Variants in FANCL observed in about 807,000 individuals in gnomAD.
The protein encoded by FANCL is E3 ubiquitin-protein ligase FANCL.
In FANCL, 69 loss-of-function variants were observed where a neutral mutation model predicts 59.4. That is an observed-to-expected ratio of 1.16 (90% CI 0.96 to 1.42). FANCL has a LOEUF of 1.42. Ranked by LOEUF, FANCL falls within the 40% of genes most tolerant of loss-of-function variation. The pLI is 0.00. For synonymous variants in FANCL, 180 were observed against 147.1 expected (o/e 1.22, Z -1.62); for missense variants, 519 against 447.2 (o/e 1.16, Z -1.45).
intron 7 of FANCL, among the ~76,000 whole-genome samples, chr2:58,186,021 G>C (rs1372814546): frequency 6.6e-6 from 1 of 152,172 alleles, no homozygotes; most frequent in Non-Finnish European, 1.5e-5. Context: ...CCCACTGTTA[G>C]TTATACAGTA....
Position 58,177,631 on chromosome 2 carries a change from TG to T in FANCL, c.541-11758del, listed in dbSNP as rs1170185868. 7.5e-5 allele frequency among the ~76,000 whole-genome samples: 5 copies of T among 66,288 alleles called. No homozygotes were observed. In the East Asian group the frequency reaches 3.0e-3, roughly 39 times the overall value. The allele number at this position is 66,288 out of a possible 152,430, so 43.5% of individuals were successfully genotyped here. A position where few individuals can be genotyped will look rare whatever the true frequency, so the allele number is the denominator to read the frequency against. On this transcript the variant is annotated intron_variant, in intron 7 of 13. Transcript: ENST00000233741. ...GAACATCACACTCTGGGGACTGTTGTGGGGTGGGGGGAGGGGGGAGGGATAG... is the reference window on the plus strand; with the variant it reads ...GAACATCACACTCTGGGGACTGTTGTGGGTGGGGGGAGGGGGGAGGGATAG...
At chr2:58,193,694 A>G (rs992051370) in intron 7 of FANCL, among the ~76,000 whole-genome samples, 9 of 152,176 alleles carry the variant, frequency 5.9e-5, no homozygotes, top group African/African-American at 1.9e-4. Context: ...CAGCAGAGGA[A>G]AAAATGGAAA....
At chr2:58,162,799 C>A (rs959083891) in intron 11 of FANCL, 67 bp downstream of exon 11, 10 of 1,349,500 alleles carry the variant, frequency 7.4e-6, no homozygotes, top group Non-Finnish European at 8.5e-6. Flanking sequence ...TCATTTTTCA[C>A]TGAGAGAAGC....
intron 7 of FANCL, among the ~76,000 whole-genome samples, chr2:58,178,060 T>C (rs1226938521): frequency 6.6e-6 from 1 of 151,982 alleles, no homozygotes; most frequent in Admixed American, 6.6e-5. Flanking sequence ...AATCCCGAAA[T>C]AGATCGATAA....
intron 7 of FANCL, among the ~76,000 whole-genome samples, chr2:58,189,403 G>A (rs1306136825): frequency 1.3e-5 from 2 of 151,974 alleles, no homozygotes; most frequent in African/African-American, 4.8e-5. Flanking sequence ...ACACAAAATA[G>A]TAACAATCCT....
intron 7 of FANCL, among the ~76,000 whole-genome samples, chr2:58,176,453 C>T (rs925121822): frequency 6.6e-6 from 1 of 152,000 alleles, no homozygotes; most frequent in African/African-American, 2.4e-5. Flanking sequence ...TGGAACAGAA[C>T]AGAGCCCTCA....
rs148197441 is a variant in FANCL at position 58,159,583 on chromosome 2, A to G, written c.*182T>C. The G allele has an allele frequency of 3.7e-6, 6 of 1,613,872 alleles. No individual in the cohort carries two copies. The highest frequency in any genetic ancestry group is 2.7e-5 in the African/African-American group (2 of 75,038). On this transcript the variant is annotated 3_prime_UTR_variant, in exon 14 of 14. Coordinates refer to ENST00000233741, the MANE Select transcript of FANCL (RefSeq NM_018062.4). Reference sequence around the variant, plus strand: ...AGAAAGTTCAACTGGACTTTGGCCTACAATTTCCCAGTTTACTCTTAGTGA... The same window carrying G: ...AGAAAGTTCAACTGGACTTTGGCCTGCAATTTCCCAGTTTACTCTTAGTGA...
chr2:58,216,094 TGTG>T (rs1468776263), intron 5 of FANCL, among the ~76,000 whole-genome samples: 1 of 152,138 alleles, frequency 6.6e-6, no homozygotes, highest in Non-Finnish European at 1.5e-5. Flanking sequence ...TGAGAGGTCT[TGTG>T]GAGACACAAA....
At chr2:58,181,522 G>A (rs1378214812) in intron 7 of FANCL, among the ~76,000 whole-genome samples, 2 of 151,924 alleles carry the variant, frequency 1.3e-5, no homozygotes, top group South Asian at 2.1e-4. Flanking sequence ...ATTTTACAAA[G>A]AACTGAACTC....
intron 5 of FANCL, among the ~76,000 whole-genome samples, chr2:58,205,006 T>C (rs1338692747): frequency 6.6e-6 from 1 of 152,076 alleles, no homozygotes; most frequent in Non-Finnish European, 1.5e-5. Flanking sequence ...AGCAGTATAT[T>C]TACTAGTGAA....
At chr2:58,162,232 T>C (rs918585788) in intron 11 of FANCL, among the ~76,000 whole-genome samples, 1 of 151,942 alleles carries the variant, frequency 6.6e-6, no homozygotes, top group Non-Finnish European at 1.5e-5. Context: ...TCAATTCTAT[T>C]ATTTTTGCAG....
At chr2:58,179,982 C>T (rs1157473909) in intron 7 of FANCL, among the ~76,000 whole-genome samples, 1 of 152,186 alleles carries the variant, frequency 6.6e-6, no homozygotes, top group Admixed American at 6.5e-5. Flanking sequence ...AGCTCATCAT[C>T]ACTGGTCATT....
In FANCL at chr2:58,226,136, T is replaced by C. The variant is rs117502352; in HGVS notation, c.273+592A>G. ...AAAAAAGTAGAAGAGGAAATAAGAT[T>C]GGCAAAATGTTAAAATTTGGTCAGG... On this transcript the variant is annotated intron_variant, in intron 4 of 13. Coordinates refer to ENST00000233741, the MANE Select transcript of FANCL (RefSeq NM_018062.4). 8.5e-5 allele frequency among the ~76,000 whole-genome samples: 13 copies of C among 152,186 alleles called. No individual in the cohort carries two copies. The East Asian group carries it at 2.3e-3, about 27-fold the overall frequency.
intron 1 of FANCL, among the ~76,000 whole-genome samples, chr2:58,236,269 A>G (rs761923433): frequency 6.6e-6 from 1 of 152,038 alleles, no homozygotes; most frequent in Non-Finnish European, 1.5e-5. Flanking sequence ...CTATTTACAG[A>G]GAAACAAAGA....
chr2:58,238,376 C>A (rs1460836925), intron 1 of FANCL, among the ~76,000 whole-genome samples: 1 of 152,172 alleles, frequency 6.6e-6, no homozygotes, highest in Non-Finnish European at 1.5e-5. Flanking sequence ...TCCACAGAAA[C>A]AGTGAGACAA....
At chr2:58,159,976 T>C (rs1035014893) in intron 13 of FANCL, 132 bp downstream of exon 13, 27 of 1,530,814 alleles carry the variant, frequency 1.8e-5, no homozygotes, top group Admixed American at 8.9e-5. Context: ...ATCAGAGAAT[T>C]TGAAAAATAG....
chr2:58,164,995 A>G lies in FANCL; in HGVS notation c.691+729T>C, dbSNP rs1243690345. On this transcript the variant is annotated intron_variant, in intron 8 of 13. Coordinates refer to ENST00000233741, the MANE Select transcript of FANCL (RefSeq NM_018062.4). ...GTGATTCACATCAGAATTTCAAAAT[A>G]CCCTTGAACAACATATCTATTTAGA... 2.6e-5 allele frequency among the ~76,000 whole-genome samples: 4 copies of G among 152,088 alleles called. No homozygotes were observed. The East Asian group carries it at 5.8e-4, about 22-fold the overall frequency.
At chr2:58,205,552 A>G (rs1365334835) in intron 5 of FANCL, among the ~76,000 whole-genome samples, 1 of 152,102 alleles carries the variant, frequency 6.6e-6, no homozygotes, top group Non-Finnish European at 1.5e-5. Flanking sequence ...CAAGATGTTA[A>G]GCACATGCAT....
intron 3 of FANCL, 32 bp downstream of exon 3, chr2:58,229,782 C>T (rs773454358): frequency 1.3e-6 from 2 of 1,503,028 alleles, no homozygotes; most frequent in Non-Finnish European, 1.9e-6. Context: ...CTTATCTTCA[C>T]TGAAAACATA....
Sources: gnomAD v4.1 joint callset for allele counts (sites outside exome capture counted in the v4.1 genomes callset) on GRCh38, gnomAD v4.1.1 for gene constraint, MANE v1.5 for transcripts, NCBI Gene and HGNC (gene_info 2026-07-23, HGNC 2026-07-21) for gene names.